The following TBC1D1 variants were observed in gnomAD, a reference collection of about 807,000 sequenced individuals.
TBC1D1 encodes TBC1 (tre-2/USP6, BUB2, cdc16) domain family, member 1.
In TBC1D1, 89 loss-of-function variants were observed where a neutral mutation model predicts 125.6. The observed-to-expected ratio is 0.71, with a 90% CI of 0.60 to 0.85. The LOEUF (loss-of-function observed/expected upper bound fraction) is 0.85. Ranked by LOEUF, TBC1D1 falls within the 40% of genes least tolerant of loss-of-function variation. TBC1D1 has a pLI of 0.00. For synonymous variants in TBC1D1, 565 were observed against 564.1 expected (o/e 1.00, Z -0.02); for missense variants, 1,377 against 1,469.2 (o/e 0.94, Z 1.03).
chr4:37,995,467 T>A lies in TBC1D1; in HGVS notation c.418-19042T>A, dbSNP rs1544868. On this transcript the variant is annotated intron_variant, in intron 2 of 19. Coordinates refer to ENST00000261439, the MANE Select transcript of TBC1D1 (RefSeq NM_015173.4). The surrounding 1 kb of genome is among the most constrained non-coding windows in gnomAD (Gnocchi z 4.3). ...TCCCCGCCCCCTCACAAAGTATAGA[T>A]CATTTGTTTTCCTTCCAGCCCTGGG... 7,601 of 240,272 alleles carry A rather than the reference T, an allele frequency of 0.032. 154 individuals carry two copies. Among genetic ancestry groups the A allele is most frequent in the Middle Eastern group, 0.05 (30 of 598 alleles). 14.9% of individuals were successfully genotyped at this position (240,272 alleles called of 1,614,324 possible).
At chr4:37,932,916 A>C (rs1459010130) in intron 2 of TBC1D1, among the ~76,000 whole-genome samples, 8 of 151,952 alleles carry the variant, frequency 5.3e-5, no homozygotes, top group Non-Finnish European at 1.0e-4. Flanking sequence ...AATTAGCCAG[A>C]GGTGGCGGCG....
At chr4:38,081,291 A>G (rs1433057042) in intron 12 of TBC1D1, among the ~76,000 whole-genome samples, 2 of 152,150 alleles carry the variant, frequency 1.3e-5, no homozygotes, top group Non-Finnish European at 2.9e-5. Flanking sequence ...CCCTCGGGGC[A>G]GGTGCAGCAG....
chr4:38,014,603 A>G lies in TBC1D1; in HGVS notation c.512A>G (p.Lys171Arg), dbSNP rs531011819. The change falls in exon 3 of 20, where the codon AAG becomes AGG. Residue 171 changes from lysine to arginine, a missense_variant. Lys to Arg is a conservative substitution (Grantham distance 26). Coordinates refer to ENST00000261439, the MANE Select transcript of TBC1D1 (RefSeq NM_015173.4). This position sits in a 1 kb window ranked among gnomAD's most constrained non-coding sequence, Gnocchi z 5.1. The stretch of plus-strand genomic sequence containing the variant: ...TCCGAGTTCGACGACACGTTTTCCA[A>G]GAAGTTCGAGGTGCTCTTCTGCGGC... 11 of 1,613,382 alleles carry G rather than the reference A, an allele frequency of 6.8e-6. No individual in the cohort carries two copies. The highest frequency in any genetic ancestry group is 6.6e-5 in the South Asian group (6 of 91,078).
At chr4:37,922,285 G>A (rs755731580) in intron 2 of TBC1D1, among the ~76,000 whole-genome samples, 3 of 152,194 alleles carry the variant, frequency 2.0e-5, no homozygotes, top group Admixed American at 6.5e-5. Flanking sequence ...TATGTGCCTT[G>A]TAATTCAACC....
At chr4:37,898,034 A>G (rs1271613373) in intron 1 of TBC1D1, among the ~76,000 whole-genome samples, 1 of 152,236 alleles carries the variant, frequency 6.6e-6, no homozygotes, top group Non-Finnish European at 1.5e-5. Flanking sequence ...GAAATAAAAA[A>G]TTAGCTATGA....
At chr4:38,015,617 T>A (rs1426325780) in intron 3 of TBC1D1, among the ~76,000 whole-genome samples, 1 of 152,152 alleles carries the variant, frequency 6.6e-6, no homozygotes, top group Admixed American at 6.5e-5. Context: ...GTCCCCTGGG[T>A]CTGAACGGAT....
At chr4:37,899,408 G>T (rs1387420486) in intron 1 of TBC1D1, among the ~76,000 whole-genome samples, 2 of 152,180 alleles carry the variant, frequency 1.3e-5, no homozygotes, top group East Asian at 3.9e-4. Context: ...GGAGGCTTCC[G>T]TGGGAGCAGA....
chr4:38,055,936 A>T lies in TBC1D1; in HGVS notation c.2050+1598A>T, dbSNP rs1175844739. Among the ~76,000 whole-genome samples the T allele has an allele frequency of 5.3e-5, 8 of 152,330 alleles. No homozygotes were observed. The East Asian group carries it at 1.5e-3, about 29-fold the overall frequency. On this transcript the variant is annotated intron_variant, in intron 12 of 19. Transcript: ENST00000261439. ...GCCAGAACCCAAGTTTCGGTGTTTAATAAAGAGTGCCTCGGTGTTGCGGTG... is the reference window on the plus strand; with the variant it reads ...GCCAGAACCCAAGTTTCGGTGTTTATTAAAGAGTGCCTCGGTGTTGCGGTG...
intron 12 of TBC1D1, 131 bp downstream of exon 14, chr4:38,054,469 G>T (rs957491318): frequency 8.4e-7 from 1 of 1,186,644 alleles, no homozygotes. Context: ...AATCACAAAG[G>T]TAACTAGGGA....
At chr4:37,992,519 G>T (rs1364973215) in intron 2 of TBC1D1, among the ~76,000 whole-genome samples, 16 of 147,976 alleles carry the variant, frequency 1.1e-4, no homozygotes, top group African/African-American at 4.0e-4. Context: ...TTTTGAGACG[G>T]AGTCTCGCTC....
At chr4:38,019,613 A>G (rs534972959) in intron 4 of TBC1D1, among the ~76,000 whole-genome samples, 80 of 152,312 alleles carry the variant, frequency 5.3e-4, no homozygotes, top group Middle Eastern at 3.4e-3. Context: ...ACATTAAGCT[A>G]TCAGCACTCA....
chr4:38,057,188 C>G (rs1332749846), intron 12 of TBC1D1, among the ~76,000 whole-genome samples: 1 of 152,202 alleles, frequency 6.6e-6, no homozygotes, highest in Admixed American at 6.5e-5. Flanking sequence ...CCATGTCCAC[C>G]TTTCCTCTGA....
At chr4:38,093,515 G>GT (rs71658754) in intron 13 of TBC1D1, among the ~76,000 whole-genome samples, 422 of 145,854 alleles carry the variant, frequency 2.9e-3, no homozygotes, top group African/African-American at 9.7e-3. Flanking sequence ...CTGCAAGGCC[G>GT]TTTTCCCCCC....
Position 38,137,959 on chromosome 4 carries a change from T to G in TBC1D1, c.*624T>G, listed in dbSNP as rs1163603473. 2.6e-5 allele frequency: 4 copies of G among 152,594 alleles called. No individual in the cohort carries two copies. Among genetic ancestry groups the G allele is most frequent in the African/African-American group, 4.8e-5 (2 of 41,422 alleles). The allele number at this position is 152,594 out of a possible 1,614,324, so 9.5% of individuals were successfully genotyped here. On this transcript the variant is annotated 3_prime_UTR_variant, in exon 20 of 20. Transcript: ENST00000261439. ...TTCCACTAGATGTAACTTAAAGGAG[T>G]TAACATTTGAGGACTTTGTTCTACA...
intron 12 of TBC1D1, among the ~76,000 whole-genome samples, chr4:38,077,166 A>T (rs1219827454): frequency 1.3e-5 from 2 of 152,246 alleles, no homozygotes; most frequent in Admixed American, 6.5e-5. Context: ...CTGACATGAG[A>T]TAGATGTATT....
chr4:37,931,478 T>C (rs1723239614), intron 2 of TBC1D1, among the ~76,000 whole-genome samples: 1 of 152,048 alleles, frequency 6.6e-6, no homozygotes, highest in African/African-American at 2.4e-5. Flanking sequence ...CCCTGACCTT[T>C]TTCCACTCTT....
At chr4:38,050,351 T>A (rs1750283023) in intron 11 of TBC1D1, among the ~76,000 whole-genome samples, 1 of 152,232 alleles carries the variant, frequency 6.6e-6, no homozygotes. Context: ...AGCTCTGCCG[T>A]GAACTAATTG....
At chr4:38,080,844 C>T (rs867003825) in intron 12 of TBC1D1, among the ~76,000 whole-genome samples, 3 of 152,150 alleles carry the variant, frequency 2.0e-5, no homozygotes, top group Non-Finnish European at 4.4e-5. Flanking sequence ...TCTTTCATCA[C>T]TGTTCTGCGA....
At chr4:38,110,187 G>T (rs1761979513) in intron 15 of TBC1D1, 1 of 985,136 alleles carries the variant, frequency 1.0e-6, no homozygotes, top group Admixed American at 6.1e-5. Flanking sequence ...AGTCAGATGG[G>T]CTCTGAATAG....
Sources: gnomAD v4.1 joint callset for allele counts (sites outside exome capture counted in the v4.1 genomes callset) on GRCh38, gnomAD v4.1.1 for gene constraint, Gnocchi (gnomAD v3.1) non-coding constraint, MANE v1.5 for transcripts, NCBI Gene and HGNC (gene_info 2026-07-23, HGNC 2026-07-21) for gene names.